The following ZC3H4 variants were observed in gnomAD, a reference collection of about 807,000 sequenced individuals.
ZC3H4 encodes the protein zinc finger CCCH domain-containing protein 4.
A neutral mutation model predicts 108.3 loss-of-function variants in ZC3H4; 13 were observed. The ratio of observed to expected loss-of-function variants is 0.12; its 90% CI spans 0.08 to 0.19. ZC3H4 has a LOEUF of 0.19. Among genes scored for constraint, ZC3H4 ranks in the 10% least tolerant of loss-of-function variants. ZC3H4 has a pLI of 1.00. For synonymous variants in ZC3H4, 917 were observed against 749.6 expected, an observed-to-expected ratio of 1.22 and a Z score of -3.65; for missense variants, 1,734 against 1,838.8, an observed-to-expected ratio of 0.94 and a Z score of 1.04.
Position 47,067,934 on chromosome 19 carries a change from C to T in ZC3H4, c.2399-65G>A, listed in dbSNP as rs1222794907. 1 of 1,438,222 alleles carries T rather than the reference C, an allele frequency of 7.0e-7. No homozygotes were observed. The highest frequency in any genetic ancestry group is 2.5e-5 in the East Asian group (1 of 40,418). 89.1% of individuals were successfully genotyped at this position (1,438,222 alleles called of 1,614,324 possible). A position where few individuals can be genotyped will look rare whatever the true frequency, so the allele number is the denominator to read the frequency against. On this transcript the variant is annotated intron_variant, in intron 14 of 14. Transcript: ENST00000253048. The surrounding 1 kb of genome is among the most constrained non-coding windows in gnomAD (Gnocchi z 6.4). ...CATCCACCACCCGCCCTCTTGGATC[C>T]CACAGCAGCCCACCGTGAGCAGCTC...
intron 11 of ZC3H4, among the ~76,000 whole-genome samples, chr19:47,077,023 T>C (rs548264829): frequency 7.3e-5 from 11 of 150,672 alleles, no homozygotes; most frequent in Admixed American, 5.3e-4. Context: ...AAACATTAGC[T>C]GGATGTGGTG....
chr19:47,072,233 ACTCCCACAGCTGGGGAGAGAGGCAGGACT>A lies in ZC3H4; in HGVS notation c.1802+90_1803-113del. On this transcript the variant is annotated intron_variant, in intron 12 of 14. Transcript: ENST00000253048. This position sits in a 1 kb window ranked among gnomAD's most constrained non-coding sequence, Gnocchi z 5.6. ...CGAAGGTCATGGGCCCCAGACCAGG[ACTCCCACAGCTGGGGAGAGAGGCAGGACT>A]CTCCCACAGCCAGGCTTGCCCTAAC... The A allele has an allele frequency of 2.2e-6, 3 of 1,387,664 alleles. No homozygotes were observed. The highest frequency in any genetic ancestry group is 2.9e-6 in the Non-Finnish European group (3 of 1,027,306). The allele number at this position is 1,387,664 out of a possible 1,614,324, so 86.0% of individuals were successfully genotyped here.
rs746699853 is a variant in ZC3H4 at position 47,071,965 on chromosome 19, C to G, written c.1959G>C (p.Pro653=). 2.5e-6 allele frequency: 4 copies of G among 1,611,814 alleles called. No individual in the cohort carries two copies. In the African/African-American group the frequency reaches 4.0e-5, roughly 16 times the overall value. ...GGCCAGGATTCATGCCAGGGCCCAT[C>G]GGCATGTCTGCGTGCATGTCTGCGT... ...DMHADMHADM[P]MGPGMNPGPP... is the part of the protein sequence containing the mutation. Residue 653 remains proline, a synonymous_variant, in exon 13 of 15, where the codon CCG becomes CCC. Transcript: ENST00000253048.
At chr19:47,081,788 C>T (rs892245258) in intron 10 of ZC3H4, among the ~76,000 whole-genome samples, 166 bp from the exon 11 acceptor site, 1 of 152,126 alleles carries the variant, frequency 6.6e-6, no homozygotes, top group Admixed American at 6.6e-5. Flanking sequence ...AGGAAATCCA[C>T]GGAGAGACCC....
At chr19:47,080,782 G>GCCA (rs1371685540) in intron 11 of ZC3H4, among the ~76,000 whole-genome samples, 1 of 151,836 alleles carries the variant, frequency 6.6e-6, no homozygotes, top group Non-Finnish European at 1.5e-5. Context: ...ACACGCATGT[G>GCCA]CCACCACAAC....
intron 5 of ZC3H4, among the ~76,000 whole-genome samples, chr19:47,087,728 G>A (rs1220655785): frequency 6.6e-6 from 1 of 151,952 alleles, no homozygotes; most frequent in Non-Finnish European, 1.5e-5. Flanking sequence ...AAATAAAAAA[G>A]CCAGGCATGG....
At chr19:47,076,716 C>T (rs977521111) in intron 11 of ZC3H4, among the ~76,000 whole-genome samples, 7 of 152,046 alleles carry the variant, frequency 4.6e-5, no homozygotes, top group Admixed American at 6.6e-5. Flanking sequence ...ATTAGCTGGC[C>T]GGGCGCAGTG....
intron 4 of ZC3H4, among the ~76,000 whole-genome samples, chr19:47,092,513 A>C (rs903141516): frequency 6.6e-6 from 1 of 152,170 alleles, no homozygotes; most frequent in Non-Finnish European, 1.5e-5. Context: ...AAGACCTACT[A>C]ACTTTAAAAC....
In ZC3H4 at chr19:47,072,584, G is replaced by C; in HGVS notation, c.1570C>G (p.Pro524Ala). 1 of 1,592,182 alleles carries C rather than the reference G, an allele frequency of 6.3e-7. No homozygotes were observed. Among genetic ancestry groups the C allele is most frequent in the Non-Finnish European group, 8.5e-7 (1 of 1,171,614 alleles). ...VGLLPTPPRP[P>A]GPQAPTSPNG... ...GGAGAGGTTGGAGCCTGCGGGCCAG[G>C]GGGCCGAGGAGGGGTGGGCAGGAGG... The change falls in exon 12 of 15, where the codon CCT becomes GCT. Residue 524 changes from proline (P) to alanine (A), a missense_variant. Physicochemically the swap from Pro to Ala is conservative, Grantham distance 27. Coordinates refer to ENST00000253048, the MANE Select transcript of ZC3H4 (RefSeq NM_015168.2). The surrounding 1 kb of genome is among the most constrained non-coding windows in gnomAD (Gnocchi z 5.6).
intron 1 of ZC3H4, 21 bp downstream of exon 1, chr19:47,113,699 G>A (rs1287967624): frequency 2.6e-5 from 4 of 152,014 alleles, no homozygotes; most frequent in Non-Finnish European, 4.4e-5. Flanking sequence ...TCAGGCTACG[G>A]AGAGGGAAAA....
rs931115012 is a variant in ZC3H4, at chr19:47,110,380, T to C, written c.161+2044A>G. Among the ~76,000 whole-genome samples, 6 of 152,168 alleles carry C rather than the reference T, an allele frequency of 3.9e-5. No individual in the cohort carries two copies. The South Asian group carries it at 1.2e-3, about 32-fold the overall frequency. On this transcript the variant is annotated intron_variant, in intron 2 of 14. Coordinates refer to ENST00000253048, the MANE Select transcript of ZC3H4 (RefSeq NM_015168.2). ...GAAGGATGCCAAGGGTCTGAAAACA[T>C]ACGGGCCTTTTACATCGATTTTTGT...
At chr19:47,109,252 T>C (rs1468743487) in intron 2 of ZC3H4, among the ~76,000 whole-genome samples, 3 of 152,230 alleles carry the variant, frequency 2.0e-5, no homozygotes, top group African/African-American at 7.2e-5. Context: ...GGATGAGATT[T>C]CTTTGAGAAT....
In ZC3H4 at chr19:47,066,563, G is replaced by A. The variant is rs1281258128; in HGVS notation, c.3705C>T (p.Thr1235=). The stretch of plus-strand genomic sequence containing the variant: ...GGGGTGGGGCACCCTCGGGGGGTGG[G>A]GTGGCGGTGGTGGCAGCGGGGGCTG... The part of the protein sequence containing the change: ...AAAAPAATTA[T]PPPEGAPPQP... The change falls in exon 15 of 15, where the codon ACC becomes ACT. Residue 1235 remains threonine, a synonymous_variant. Coordinates refer to ENST00000253048, the MANE Select transcript of ZC3H4 (RefSeq NM_015168.2). The A allele has an allele frequency of 1.9e-6, 3 of 1,579,336 alleles. No homozygotes were observed. Among genetic ancestry groups the A allele is most frequent in the East Asian group, 2.3e-5 (1 of 44,220 alleles).
chr19:47,096,641 G>T (rs567449583), intron 2 of ZC3H4, among the ~76,000 whole-genome samples: 2 of 152,206 alleles, frequency 1.3e-5, no homozygotes, highest in African/African-American at 2.4e-5. Context: ...GAGAAGGCCC[G>T]GGACAGACTG....
At chr19:47,098,361 G>A (rs1373378867) in intron 2 of ZC3H4, among the ~76,000 whole-genome samples, 1 of 152,034 alleles carries the variant, frequency 6.6e-6, no homozygotes, top group Non-Finnish European at 1.5e-5. Context: ...GCGATGGTGG[G>A]TGCCTGAAAT....
chr19:47,104,188 G>A (rs943590727), intron 2 of ZC3H4, among the ~76,000 whole-genome samples: 6 of 148,252 alleles, frequency 4.0e-5, no homozygotes, highest in Non-Finnish European at 7.5e-5. Context: ...GTGTGGTGGC[G>A]CACACCTGTA....
intron 11 of ZC3H4, among the ~76,000 whole-genome samples, chr19:47,079,789 A>C (rs1379686436): frequency 6.6e-6 from 1 of 152,226 alleles, no homozygotes; most frequent in Non-Finnish European, 1.5e-5. Flanking sequence ...CGGGAGGCTG[A>C]GGCAGGACAA....
At chr19:47,086,859 G>A (rs1340953814) in intron 5 of ZC3H4, among the ~76,000 whole-genome samples, 2 of 152,138 alleles carry the variant, frequency 1.3e-5, no homozygotes, top group African/African-American at 4.8e-5. Flanking sequence ...CAACTAACAC[G>A]TCTGGTCCAA....
intron 13 of ZC3H4, among the ~76,000 whole-genome samples, chr19:47,071,363 G>A (rs149487572): frequency 6.6e-6 from 1 of 152,272 alleles, no homozygotes; most frequent in African/African-American, 2.4e-5. Flanking sequence ...GAAAACGGCC[G>A]GTAATGGGCA....
Sources: gnomAD v4.1 joint callset for allele counts (sites outside exome capture counted in the v4.1 genomes callset) on GRCh38, gnomAD v4.1.1 for gene constraint, Gnocchi (gnomAD v3.1) non-coding constraint, MANE v1.5 for transcripts, NCBI Gene and HGNC (gene_info 2026-07-23, HGNC 2026-07-21) for gene names.